ECSCR: variants seen among roughly 807,000 people sequenced by gnomAD.
ECSCR encodes endothelial cell surface expressed chemotaxis and apoptosis regulator.
Under a neutral mutation model 16.7 loss-of-function variants are expected in ECSCR, and 12 were observed. The ratio of observed to expected loss-of-function variants is 0.72; its 90% CI spans 0.46 to 1.17. The LOEUF (loss-of-function observed/expected upper bound fraction) is 1.17. Among genes scored for constraint, ECSCR ranks in the 50% most tolerant of loss-of-function variants. The probability of loss-of-function intolerance (pLI) is 0.00; values close to 1 mark genes in which losing one functional copy is unlikely to be tolerated. For missense variants in ECSCR, 122 were observed against 116.1 expected, an observed-to-expected ratio of 1.05 and a Z score of -0.23; for synonymous variants, 44 against 42.2, an observed-to-expected ratio of 1.04 and a Z score of -0.17.
In ECSCR at chr5:139,451,790, G is replaced by A. The variant is rs1277050418; in HGVS notation, c.513-2616C>T. 6.0e-4 allele frequency among the ~76,000 whole-genome samples: 88 copies of A among 146,894 alleles called. No individual in the cohort carries two copies. The Middle Eastern group carries it at 0.025, about 42-fold the overall frequency. ...GGGTGTGTATAGTATGGGTATGAGG[G>A]TGGGTATGGTGTGGGTGGGTGTGTA... On this transcript the variant is annotated intron_variant, in intron 8 of 9. Transcript: ENST00000618155.
In ECSCR at chr5:139,449,188, G is replaced by A. The variant is rs762240757; in HGVS notation, c.513-14C>T. The A allele has an allele frequency of 3.3e-6, 5 of 1,534,696 alleles. No individual in the cohort carries two copies. The South Asian group carries it at 6.0e-5, about 18-fold the overall frequency. ...GCTGTGGAGCAGCTGGGGGAGGAAG[G>A]GGGTCTGGGTTAAAGAGAGGAGGAG... On this transcript the variant is annotated splice_polypyrimidine_tract_variant and intron_variant, in intron 8 of 9. Transcript: ENST00000618155.
chr5:139,458,528 A>AAAAAAG (rs1751219160), intron 1 of ECSCR, among the ~76,000 whole-genome samples: 1 of 141,208 alleles, frequency 7.1e-6, no homozygotes, highest in African/African-American at 2.6e-5. Context: ...AAAAAAAAAA[A>AAAAAAG]AAAAAGAAAG....
intron 1 of ECSCR, among the ~76,000 whole-genome samples, chr5:139,458,624 A>T (rs1197657662): frequency 1.3e-5 from 2 of 151,244 alleles, no homozygotes; most frequent in Admixed American, 1.3e-4. Context: ...AGGTGGGTAG[A>T]TCACTTGAGG....
rs1025122396 is a variant in ECSCR at position 139,451,146 on chromosome 5, T to TTG, written c.513-1974_513-1973dup. On this transcript the variant is annotated intron_variant, in intron 8 of 9. Coordinates refer to ENST00000618155, the MANE Select transcript of ECSCR (RefSeq NM_001077693.4). ...GGTATGGGGTATGTGGTGTGAGGTGTTGTGTGTGTGTGTGTGGTGTAATGC... is the reference window on the plus strand; with the variant it reads ...GGTATGGGGTATGTGGTGTGAGGTGTTGTGTGTGTGTGTGTGTGGTGTAATGC... Among the ~76,000 whole-genome samples the TTG allele has an allele frequency of 2.7e-3, 393 of 146,986 alleles. 1 individual carries two copies. The highest frequency in any genetic ancestry group is 0.011 in the Middle Eastern group (3 of 284).
intron 1 of ECSCR, 66 bp downstream of exon 1, chr5:139,462,544 G>C: frequency 6.8e-7 from 1 of 1,477,136 alleles, no homozygotes; most frequent in East Asian, 2.4e-5. Context: ...CTGAGAAAGA[G>C]ACCGATGCCT....
At position 139,449,057 on chromosome 5, in the gene ECSCR, G is replaced by A. The variant is rs946593676; in HGVS notation, c.609+21C>T. ...GGAAAGGTGAATTTGGGGAAGGAAG[G>A]CAGGAAACAGAAAAATGTACCTTCT... On this transcript the variant is annotated intron_variant, in intron 9 of 9. Transcript: ENST00000618155. 5 of 1,534,652 alleles carry A rather than the reference G, an allele frequency of 3.3e-6. No homozygotes were observed. The African/African-American group carries it at 4.1e-5, about 13-fold the overall frequency.
chr5:139,460,793 C>T (rs1751283538), intron 1 of ECSCR, among the ~76,000 whole-genome samples: 1 of 152,088 alleles, frequency 6.6e-6, no homozygotes. Flanking sequence ...TCTGCTTTAT[C>T]CCCTTCTAGT....
chr5:139,460,126 A>AT (rs1751261940), intron 1 of ECSCR, among the ~76,000 whole-genome samples: 1 of 149,296 alleles, frequency 6.7e-6, no homozygotes, highest in South Asian at 2.1e-4. Flanking sequence ...TATGTAATGT[A>AT]TTTTTTGTTT....
intron 5 of ECSCR, 106 bp downstream of exon 5, chr5:139,456,368 A>T: frequency 2.5e-6 from 1 of 394,860 alleles, no homozygotes; most frequent in Non-Finnish European, 4.5e-6. Flanking sequence ...CTTCCCAAAT[A>T]AGTCTGGGAG....
intron 1 of ECSCR, among the ~76,000 whole-genome samples, chr5:139,460,413 G>A (rs1751272169): frequency 6.6e-6 from 1 of 152,220 alleles, no homozygotes; most frequent in African/African-American, 2.4e-5. Flanking sequence ...GGGATCACAG[G>A]CGTGAGCCAC....
Position 139,449,191 on chromosome 5 carries a change from G to T in ECSCR, c.513-17C>A. 6.5e-7 allele frequency: 1 copy of T among 1,532,444 alleles called. No homozygotes were observed. Among genetic ancestry groups the T allele is most frequent in the Non-Finnish European group, 8.8e-7 (1 of 1,142,606 alleles). 94.9% of individuals were successfully genotyped at this position (1,532,444 alleles called of 1,614,324 possible). ...GTGGAGCAGCTGGGGGAGGAAGGGG[G>T]TCTGGGTTAAAGAGAGGAGGAGGGC... On this transcript the variant is annotated splice_polypyrimidine_tract_variant and intron_variant, in intron 8 of 9. Transcript: ENST00000618155.
chr5:139,454,822 C>T lies in ECSCR; in HGVS notation c.475+3G>A, dbSNP rs1751122690. Reference sequence around the variant, plus strand: ...AAAAGATCCCCGAGGGCAGGGCACGCACCTTCAGACTCCTTGCTCTTCCGA... The same window carrying T: ...AAAAGATCCCCGAGGGCAGGGCACGTACCTTCAGACTCCTTGCTCTTCCGA... On this transcript the variant is annotated splice_donor_region_variant and intron_variant, in intron 7 of 9. Transcript: ENST00000618155. The T allele has an allele frequency of 7.5e-6, 3 of 398,430 alleles. No individual in the cohort carries two copies. The highest frequency in any genetic ancestry group is 1.3e-5 in the Non-Finnish European group (3 of 226,120). 24.7% of individuals were successfully genotyped at this position (398,430 alleles called of 1,614,324 possible). A position where few individuals can be genotyped will look rare whatever the true frequency, so the allele number is the denominator to read the frequency against.
chr5:139,462,658 C>T lies in ECSCR; in HGVS notation c.13G>A (p.Gly5Arg), dbSNP rs1751337707. The change falls in exon 1 of 10, where the codon GGA becomes AGA. Residue 5 changes from glycine to arginine, a missense_variant. Coordinates refer to ENST00000618155, the MANE Select transcript of ECSCR (RefSeq NM_001077693.4). MGTA[G>R]AMQLCWVILG... ...ATCACCCAGCACAGCTGCATGGCTC[C>T]TGCGGTGCCCATGTCAGCTGGGTAT... The T allele has an allele frequency of 1.9e-6, 3 of 1,578,086 alleles. No homozygotes were observed. The highest frequency in any genetic ancestry group is 2.3e-5 in the South Asian group (2 of 87,138).
At chr5:139,452,550 G>A (rs1342710633) in intron 8 of ECSCR, among the ~76,000 whole-genome samples, 2 of 112,540 alleles carry the variant, frequency 1.8e-5, no homozygotes, top group African/African-American at 3.3e-5. Context: ...GGTGTGTGAC[G>A]TGTGGGGTGT....
At chr5:139,456,046 T>C (rs1401395061) in intron 5 of ECSCR, among the ~76,000 whole-genome samples, 1 of 151,932 alleles carries the variant, frequency 6.6e-6, no homozygotes, top group Non-Finnish European at 1.5e-5. Flanking sequence ...CTCTTGAACC[T>C]GGGAGGCAGG....
intron 8 of ECSCR, among the ~76,000 whole-genome samples, chr5:139,454,236 G>A (rs1751108211): frequency 1.4e-5 from 2 of 146,456 alleles, no homozygotes; most frequent in South Asian, 2.2e-4. Context: ...TGTGTGTGGG[G>A]GTCGTGTGGT....
Position 139,448,776 on chromosome 5 carries a change from A to G in ECSCR, c.*124T>C. ...AATGCTAGTGTCCTTTAGATCTAGAAGCAGACATGAAACAATAAAATAATT... is the reference window on the plus strand; with the variant it reads ...AATGCTAGTGTCCTTTAGATCTAGAGGCAGACATGAAACAATAAAATAATT... On this transcript the variant is annotated 3_prime_UTR_variant, in exon 10 of 10. Transcript: ENST00000618155. The G allele has an allele frequency of 6.7e-7, 1 of 1,491,210 alleles. No homozygotes were observed. Among genetic ancestry groups the G allele is most frequent in the African/African-American group, 1.4e-5 (1 of 71,496 alleles). 92.4% of individuals were successfully genotyped at this position (1,491,210 alleles called of 1,614,324 possible).
chr5:139,458,458 A>G (rs935657152), intron 1 of ECSCR, among the ~76,000 whole-genome samples: 2 of 135,820 alleles, frequency 1.5e-5, no homozygotes, highest in African/African-American at 5.8e-5. Context: ...TGATTGCACC[A>G]CTACACTCCA....
At chr5:139,459,936 TA>T (rs1466213187) in intron 1 of ECSCR, among the ~76,000 whole-genome samples, 1 of 152,228 alleles carries the variant, frequency 6.6e-6, no homozygotes, top group Non-Finnish European at 1.5e-5. Context: ...CATGTTTTTC[TA>T]GATCACCATT....
Sources: allele counts gnomAD v4.1 joint callset (sites outside exome capture counted in the v4.1 genomes callset), GRCh38; gene constraint gnomAD v4.1.1; transcripts MANE v1.5; gene names NCBI Gene and HGNC (gene_info 2026-07-23, HGNC 2026-07-21).